TPH2: variants seen among roughly 807,000 people sequenced by gnomAD.
TPH2 encodes the protein tryptophan hydroxylase 2.
In TPH2, 27 loss-of-function variants were observed where a neutral mutation model predicts 59.1. The ratio of observed to expected loss-of-function variants is 0.46; its 90% CI spans 0.34 to 0.63. The LOEUF is 0.63. Among genes scored for constraint, TPH2 ranks in the 30% least tolerant of loss-of-function variants. The pLI is 0.01. For synonymous variants in TPH2, 220 were observed against 210.5 expected (o/e 1.05, Z -0.39); for missense variants, 523 against 588.3 (o/e 0.89, Z 1.15).
chr12:71,949,726 G>A, intron 5 of TPH2, 71 bp downstream of exon 5: 1 of 1,313,164 alleles, frequency 7.6e-7, no homozygotes, highest in Non-Finnish European at 1.1e-6. Flanking sequence ...AAACAAACCT[G>A]TCATCTCTTC....
chr12:72,027,463 C>G (rs1873602251), intron 9 of TPH2, among the ~76,000 whole-genome samples: 1 of 152,160 alleles, frequency 6.6e-6, no homozygotes, highest in South Asian at 2.1e-4. Flanking sequence ...ATTAGTATTT[C>G]CATTTTCCAG....
At chr12:71,949,332 A>G (rs1871281924) in intron 4 of TPH2, among the ~76,000 whole-genome samples, 1 of 152,216 alleles carries the variant, frequency 6.6e-6, no homozygotes. Flanking sequence ...AATTTGCTCA[A>G]CTAAGCCATT....
At chr12:71,974,758 T>C (rs61926468) in intron 6 of TPH2, among the ~76,000 whole-genome samples, 5 of 152,240 alleles carry the variant, frequency 3.3e-5, no homozygotes, top group Admixed American at 6.5e-5. Flanking sequence ...TCTGTCCTTT[T>C]CCTTTCTGTT....
At chr12:72,028,041 G>A (rs1027161851) in intron 9 of TPH2, among the ~76,000 whole-genome samples, 7 of 152,148 alleles carry the variant, frequency 4.6e-5, no homozygotes. Flanking sequence ...TCCCAGCCCT[G>A]TGCCCTTGTC....
At chr12:71,990,335 C>T (rs1452711550) in intron 7 of TPH2, among the ~76,000 whole-genome samples, 1 of 152,146 alleles carries the variant, frequency 6.6e-6, no homozygotes, top group Non-Finnish European at 1.5e-5. Flanking sequence ...GTGGCATTTG[C>T]ACTTTGTAAA....
chr12:71,948,668 C>T (rs1871265041), intron 4 of TPH2, among the ~76,000 whole-genome samples: 1 of 152,168 alleles, frequency 6.6e-6, no homozygotes, highest in African/African-American at 2.4e-5. Flanking sequence ...TGTCTCCTTG[C>T]CTGGACTCCA....
intron 8 of TPH2, among the ~76,000 whole-genome samples, chr12:71,997,150 A>G (rs551590386): frequency 6.6e-6 from 1 of 152,164 alleles, no homozygotes; most frequent in Admixed American, 6.5e-5. Flanking sequence ...TCCTTGGCTC[A>G]TGGCTTTCTT....
At chr12:72,014,472 C>A (rs771019063) in intron 8 of TPH2, among the ~76,000 whole-genome samples, 1 of 149,516 alleles carries the variant, frequency 6.7e-6, no homozygotes, top group Non-Finnish European at 1.5e-5. Context: ...CTCACTGCAA[C>A]CTCCGCCTCC....
chr12:71,975,081 C>T (rs1872079650), intron 6 of TPH2, among the ~76,000 whole-genome samples: 1 of 152,136 alleles, frequency 6.6e-6, no homozygotes, highest in African/African-American at 2.4e-5. Context: ...TGGCTAGGCA[C>T]AGTGGCTCAC....
rs1038426580 is a variant in TPH2, at chr12:71,972,205, TA to T, written c.609-311del. On this transcript the variant is annotated intron_variant, in intron 5 of 10. Transcript: ENST00000333850. ...TGCTCTCAGAGAATAGTTTTGTACC[TA>T]AACCAGTTCCTTCCAACCCGTAACT... 9.5e-4 allele frequency among the ~76,000 whole-genome samples: 145 copies of T among 152,338 alleles called. 1 individual carries two copies. The Middle Eastern group carries it at 0.01, about 11-fold the overall frequency.
At chr12:71,962,372 T>C (rs1192255205) in intron 5 of TPH2, 2 of 985,494 alleles carry the variant, frequency 2.0e-6, no homozygotes, top group Non-Finnish European at 2.4e-6. Context: ...GTTCGGACTT[T>C]TCTGTCCCTT....
At chr12:72,006,416 A>C (rs1057034989) in intron 8 of TPH2, among the ~76,000 whole-genome samples, 9 of 151,972 alleles carry the variant, frequency 5.9e-5, no homozygotes, top group Non-Finnish European at 2.9e-5. Flanking sequence ...GTGCATGGAG[A>C]GTTACTAAGA....
At chr12:71,993,626 A>G (rs1328089752) in intron 7 of TPH2, among the ~76,000 whole-genome samples, 1 of 152,226 alleles carries the variant, frequency 6.6e-6, no homozygotes, top group African/African-American at 2.4e-5. Context: ...TACCTAGTTC[A>G]GGCTAACCAA....
chr12:71,969,084 T>C (rs984075767), intron 5 of TPH2, among the ~76,000 whole-genome samples: 24 of 151,966 alleles, frequency 1.6e-4, no homozygotes, highest in Non-Finnish European at 2.5e-4. Context: ...GAGATCGAGA[T>C]CATCTTGGCT....
chr12:72,017,854 C>T (rs1328275569), intron 8 of TPH2, among the ~76,000 whole-genome samples: 1 of 152,172 alleles, frequency 6.6e-6, no homozygotes, highest in African/African-American at 2.4e-5. Flanking sequence ...TCTAAGTAGG[C>T]TTTGCATTTA....
intron 9 of TPH2, among the ~76,000 whole-genome samples, chr12:72,024,761 T>C (rs116661440): frequency 0.018 from 2,690 of 152,320 alleles, 91 homozygotes; most frequent in African/African-American, 0.062. Flanking sequence ...CTGTTGTTTT[T>C]GTTCCTACTG....
Position 72,024,814 on chromosome 12 carries a change from C to T in TPH2, c.1164+2320C>T, listed in dbSNP as rs116749017. 5.4e-3 allele frequency among the ~76,000 whole-genome samples: 825 copies of T among 152,276 alleles called. 9 individuals carry two copies. The highest frequency in any genetic ancestry group is 0.019 in the African/African-American group (774 of 41,552). On this transcript the variant is annotated intron_variant, in intron 9 of 10. Transcript: ENST00000333850. ...TGGAAATGGAAATCAGCCAGAAATA[C>T]GTACCAAGAAGGGCATTGTTCACAG...
intron 2 of TPH2, among the ~76,000 whole-genome samples, chr12:71,942,930 T>A (rs768986088): frequency 2.6e-5 from 4 of 152,160 alleles, no homozygotes; most frequent in Non-Finnish European, 5.9e-5. Flanking sequence ...AGTGGATAAA[T>A]TCCTGGAGAA....
At chr12:71,944,254 T>C (rs1354732901) in intron 2 of TPH2, 40 bp from the exon 3 acceptor site, 1 of 1,610,860 alleles carries the variant, frequency 6.2e-7, no homozygotes, top group Non-Finnish European at 8.5e-7. Flanking sequence ...TTCCTTTTAT[T>C]GTCCCTGAAG....
Sources: allele counts gnomAD v4.1 joint callset (sites outside exome capture counted in the v4.1 genomes callset), GRCh38; gene constraint gnomAD v4.1.1; transcripts MANE v1.5; gene names NCBI Gene and HGNC (gene_info 2026-07-23, HGNC 2026-07-21).